The following DST variants were observed in gnomAD, a reference collection of about 807,000 sequenced individuals.
DST encodes bullous pemphigoid antigen.
Under a neutral mutation model 875.2 loss-of-function variants are expected in DST, and 253 were observed. The observed-to-expected ratio is 0.29, with a 90% confidence interval of 0.26 to 0.32. The LOEUF (loss-of-function observed/expected upper bound fraction) is 0.32. DST is among the 10% of genes least tolerant of loss of function. DST has a pLI of 1.00. For missense variants in DST, 8,287 were observed against 9,111.6 expected, an observed-to-expected ratio of 0.91 and a Z score of 3.68; for synonymous variants, 3,124 against 3,197.1, an observed-to-expected ratio of 0.98 and a Z score of 0.77.
rs2098748738 is a variant in DST at position 56,628,060 on chromosome 6, T to C, written c.4577A>G (p.Lys1526Arg). 3 of 1,613,956 alleles carry C rather than the reference T, an allele frequency of 1.9e-6. No homozygotes were observed. In the South Asian group the frequency reaches 3.3e-5, roughly 18 times the overall value. Reference protein sequence around the residue: ...WIQQVETTQRKIQENQPENSK... With the variant: ...WIQQVETTQRRIQENQPENSK... ...ATTTTCAGGCTGATTTTCCTGAATCTTTCTCTGAGTAGTTTCAACCTGCTG... is the reference window on the plus strand; with the variant it reads ...ATTTTCAGGCTGATTTTCCTGAATCCTTCTCTGAGTAGTTTCAACCTGCTG... Residue 1526 changes from lysine (K) to arginine (R), a missense_variant, in exon 33 of 104, where the codon AAG becomes AGG. Lys to Arg is a conservative substitution (Grantham distance 26). Around this residue, in one of 10 missense-constraint regions of DST, gnomAD observed 3,138 missense variants for 3,116.6 expected, o/e 1.01. Transcript: ENST00000680361.
At chr6:56,629,848 C>T (rs955436664) in intron 31 of DST, among the ~76,000 whole-genome samples, 8 of 152,218 alleles carry the variant, frequency 5.3e-5, no homozygotes, top group Non-Finnish European at 8.8e-5. Flanking sequence ...AGTTTCACCA[C>T]TTGCTAAAGA....
At chr6:56,524,865 A>G (rs533406660) in intron 69 of DST, among the ~76,000 whole-genome samples, 1 of 152,084 alleles carries the variant, frequency 6.6e-6, no homozygotes, top group South Asian at 2.1e-4. Context: ...TCTTTCATGA[A>G]TTTTTCTATA....
intron 10 of DST, among the ~76,000 whole-genome samples, chr6:56,657,391 A>G (rs1232572109): frequency 6.6e-6 from 1 of 152,206 alleles, no homozygotes; most frequent in Non-Finnish European, 1.5e-5. Context: ...ACACTGTAAA[A>G]TAATGAAGCC....
chr6:56,646,877 T>G (rs946388241), intron 13 of DST, among the ~76,000 whole-genome samples: 1 of 152,252 alleles, frequency 6.6e-6, no homozygotes, highest in African/African-American at 2.4e-5. Context: ...TTAATAGGTA[T>G]GTACTAATTA....
intron 9 of DST, among the ~76,000 whole-genome samples, chr6:56,683,206 C>T (rs1487314012): frequency 6.6e-6 from 1 of 152,178 alleles, no homozygotes; most frequent in African/African-American, 2.4e-5. Context: ...CAACTATTAT[C>T]TCTAGTCTAG....
At position 56,598,606 on chromosome 6, in the gene DST, T is replaced by A; in HGVS notation, c.11798A>T (p.Asp3933Val). 2 of 1,612,552 alleles carry A rather than the reference T, an allele frequency of 1.2e-6. No individual in the cohort carries two copies. The highest frequency in any genetic ancestry group is 8.5e-7 in the Non-Finnish European group (1 of 1,179,078). ...AAGTTTCTGTTCAATCAAAGCCTTATCTTCCTGTGACAGCTTTTCACCATT... is the reference window on the plus strand; with the variant it reads ...AAGTTTCTGTTCAATCAAAGCCTTAACTTCCTGTGACAGCTTTTCACCATT... ...KENGEKLSQE[D>V]KALIEQKLNE... Residue 3933 changes from aspartate to valine, a missense_variant, in exon 46 of 104, where the codon GAT becomes GTT. By Grantham distance (152) the Asp-to-Val change is radical. Transcript: ENST00000680361.
At chr6:56,669,697 T>C (rs959774644) in intron 10 of DST, among the ~76,000 whole-genome samples, 10 of 152,106 alleles carry the variant, frequency 6.6e-5, no homozygotes, top group African/African-American at 2.2e-4. Context: ...AAGAGCCAGA[T>C]TGCCTAGGTT....
intron 2 of DST, among the ~76,000 whole-genome samples, chr6:56,942,784 C>T (rs753795158): frequency 6.9e-6 from 1 of 145,216 alleles, no homozygotes; most frequent in Non-Finnish European, 1.5e-5. Flanking sequence ...GGTATGATCA[C>T]GGCTCACTGT....
chr6:56,460,513 C>A, intron 102 of DST: 2 of 330,888 alleles, frequency 6.0e-6, no homozygotes, highest in East Asian at 5.3e-5. Flanking sequence ...ATGGAGACCC[C>A]CAAAACTGAG....
At chr6:56,795,324 A>G (rs991138083) in intron 4 of DST, among the ~76,000 whole-genome samples, 10 of 152,132 alleles carry the variant, frequency 6.6e-5, no homozygotes, top group African/African-American at 2.2e-4. Flanking sequence ...AAACAAAAGG[A>G]AAAAGTTACA....
chr6:56,506,921 C>A, intron 75 of DST, 132 bp from the exon 76 acceptor site: 2 of 972,132 alleles, frequency 2.1e-6, no homozygotes, highest in Non-Finnish European at 2.8e-6. Flanking sequence ...TTCTAAGTTT[C>A]TGCAATAAAT....
chr6:56,947,714 G>C (rs781725985), intron 2 of DST, among the ~76,000 whole-genome samples: 7 of 152,200 alleles, frequency 4.6e-5, no homozygotes, highest in Non-Finnish European at 1.0e-4. Flanking sequence ...GCAATCTCAA[G>C]AGTCCCTTTC....
At chr6:56,880,725 T>A (rs1592025485) in intron 3 of DST, among the ~76,000 whole-genome samples, 1 of 149,402 alleles carries the variant, frequency 6.7e-6, no homozygotes, top group African/African-American at 2.5e-5. Flanking sequence ...AAGAAAGCAG[T>A]GCTGTTCTGT....
intron 4 of DST, among the ~76,000 whole-genome samples, chr6:56,799,000 G>T (rs920404992): frequency 6.6e-6 from 1 of 152,224 alleles, no homozygotes; most frequent in Non-Finnish European, 1.5e-5. Context: ...TTGAATGAAT[G>T]AGGAGTTGCT....
chr6:56,859,830 T>G (rs913302894), intron 3 of DST, among the ~76,000 whole-genome samples: 2 of 152,166 alleles, frequency 1.3e-5, no homozygotes, highest in Non-Finnish European at 1.5e-5. Flanking sequence ...TGGAATAGTA[T>G]AAATACATAC....
chr6:56,930,871 C>G (rs1040673358), intron 2 of DST, among the ~76,000 whole-genome samples: 1 of 152,136 alleles, frequency 6.6e-6, no homozygotes, highest in African/African-American at 2.4e-5. Flanking sequence ...TCCTTTGTCA[C>G]GATTGCATGA....
chr6:56,541,315 A>G (rs2097122890), intron 61 of DST: 1 of 152,648 alleles, frequency 6.6e-6, no homozygotes, highest in Non-Finnish European at 1.5e-5. Flanking sequence ...CACTGGAAGA[A>G]GTAAGGGCAC....
intron 43 of DST, 188 bp from the exon 44 acceptor site, chr6:56,601,864 C>A: frequency 2.0e-6 from 1 of 500,460 alleles, no homozygotes. Flanking sequence ...TATTTAAATA[C>A]CATGGTAGTT....
chr6:56,616,011 T>C, intron 36 of DST: 1 of 1,614,202 alleles, frequency 6.2e-7, no homozygotes, highest in Non-Finnish European at 8.5e-7. Flanking sequence ...ATGCCCCCTG[T>C]ACTGACTTGG....
Sources: allele counts gnomAD v4.1 joint callset (sites outside exome capture counted in the v4.1 genomes callset), GRCh38; gene constraint gnomAD v4.1.1; regional missense constraint gnomAD v4.1.1; transcripts MANE v1.5; gene names NCBI Gene and HGNC (gene_info 2026-07-23, HGNC 2026-07-21).